Variants in CDK5RAP3 observed in about 807,000 individuals in gnomAD.
CDK5RAP3 encodes the protein CDK5 regulatory subunit-associated protein 3.
In CDK5RAP3, 58 loss-of-function variants were observed where a neutral mutation model predicts 73.3. The ratio of observed to expected loss-of-function variants is 0.79; its 90% CI spans 0.64 to 0.98. The LOEUF (loss-of-function observed/expected upper bound fraction) is 0.98, where lower values mean the gene tolerates loss of function less well. CDK5RAP3 is among the 50% of genes least tolerant of loss of function. The pLI is 0.00. For missense variants in CDK5RAP3, 525 were observed against 615.8 expected (o/e 0.85, Z 1.56); for synonymous variants, 224 against 247.5 (o/e 0.91, Z 0.89).
upstream of CDK5RAP3, among the ~76,000 whole-genome samples, chr17:47,969,649 C>A (rs376066230): frequency 6.6e-6 from 1 of 151,362 alleles, no homozygotes; most frequent in Non-Finnish European, 1.5e-5. Flanking sequence ...TCCCTCCTTA[C>A]TCTACCCACT....
rs766120199 is a variant in CDK5RAP3 at position 47,981,544 on chromosome 17, G to A, written c.*42G>A. On this transcript the variant is annotated 3_prime_UTR_variant, in exon 14 of 14. Transcript: ENST00000338399. ...GCCTGCCCATCTTCTCCGCTTTTGG[G>A]ATGAAGATGATAGCCAGGGCTGTTG... The A allele has an allele frequency of 1.2e-6, 2 of 1,614,028 alleles. No homozygotes were observed. The highest frequency in any genetic ancestry group is 1.7e-6 in the Non-Finnish European group (2 of 1,180,052).
At chr17:47,975,842 G>T (rs764542662) in intron 7 of CDK5RAP3, 27 bp from the exon 8 acceptor site, 1 of 1,613,692 alleles carries the variant, frequency 6.2e-7, no homozygotes, top group Admixed American at 1.7e-5. Context: ...TGGTCGGCAG[G>T]AGAGTCAGTT....
At chr17:47,970,850 G>T (rs913277046), upstream of CDK5RAP3, 7 of 1,407,426 alleles carry the variant, frequency 5.0e-6, no homozygotes, top group Admixed American at 6.6e-5. Flanking sequence ...GCCGCCTGTC[G>T]CAATCCCACG....
Position 47,974,449 on chromosome 17 carries a change from G to A in CDK5RAP3, c.334+1G>A, listed in dbSNP as rs779097130. ...TATGAGAAGGACAACACCTACTTAG[G>A]TAAAGTGGCCCGGCCTGGGAGCCCT... is the stretch of plus-strand genomic sequence containing the variant. On this transcript the variant is annotated splice_donor_variant, in intron 5 of 13. Coordinates refer to ENST00000338399, the MANE Select transcript of CDK5RAP3 (RefSeq NM_176096.3). LOFTEE classifies it high-confidence loss of function. 8.1e-6 allele frequency: 13 copies of A among 1,614,188 alleles called. No individual in the cohort carries two copies. The highest frequency in any genetic ancestry group is 8.5e-6 in the Non-Finnish European group (10 of 1,180,026).
Position 47,975,258 on chromosome 17 carries a change from G to T in CDK5RAP3, c.434G>T (p.Arg145Leu), listed in dbSNP as rs750283829. ...KCQQLQQEYS[R>L]KEEECQAGAA... ...CAGCAGCTGCAGCAAGAATACAGCC[G>T]CAAGGAGGAGGAGTGCCAGGCAGGG... The change falls in exon 6 of 14, where the codon CGC becomes CTC. Residue 145 changes from arginine to leucine, a missense_variant. Coordinates refer to ENST00000338399, the MANE Select transcript of CDK5RAP3 (RefSeq NM_176096.3). 3.1e-6 allele frequency: 5 copies of T among 1,614,160 alleles called. No individual in the cohort carries two copies. Among genetic ancestry groups the T allele is most frequent in the Non-Finnish European group, 4.2e-6 (5 of 1,180,032 alleles).
At chr17:47,968,795 C>A (rs146030691), upstream of CDK5RAP3, among the ~76,000 whole-genome samples, 23 of 152,258 alleles carry the variant, frequency 1.5e-4, no homozygotes, top group African/African-American at 5.3e-4. Context: ...AGATTACAGG[C>A]GTGAGCCACC....
intron 9 of CDK5RAP3, 22 bp downstream of exon 9, chr17:47,976,844 GTC>G (rs1567725656): frequency 2.1e-6 from 3 of 1,440,962 alleles, no homozygotes; most frequent in Admixed American, 1.8e-5. Context: ...TTCTCAGTCT[GTC>G]TCTCTCTGAT....
chr17:47,970,529 G>C (rs1218839558), upstream of CDK5RAP3: 4 of 761,634 alleles, frequency 5.3e-6, no homozygotes, highest in Admixed American at 6.3e-5. Flanking sequence ...TCTTCGTTTA[G>C]ACTCAATGTA....
Position 47,971,354 on chromosome 17 carries a change from C to G in CDK5RAP3, c.7-8C>G, listed in dbSNP as rs2036259749. 2.5e-6 allele frequency: 4 copies of G among 1,610,028 alleles called. No individual in the cohort carries two copies. Among genetic ancestry groups the G allele is most frequent in the Non-Finnish European group, 3.4e-6 (4 of 1,178,346 alleles). The stretch of plus-strand genomic sequence containing the variant: ...TCACGCCCCCCTCCTCACCGTGTTT[C>G]CCGCCAGGACCATCAGCACGTGCCC... On this transcript the variant is annotated splice_polypyrimidine_tract_variant and splice_region_variant and intron_variant, in intron 1 of 13. Coordinates refer to ENST00000338399, the MANE Select transcript of CDK5RAP3 (RefSeq NM_176096.3).
chr17:47,969,869 C>T (rs1273930238), upstream of CDK5RAP3, among the ~76,000 whole-genome samples: 3 of 152,198 alleles, frequency 2.0e-5, no homozygotes, highest in Non-Finnish European at 2.9e-5. Context: ...CTCCCCAACA[C>T]CTGCTCAGCA....
In CDK5RAP3 at chr17:47,977,924, C is replaced by T. The variant is rs768825106; in HGVS notation, c.988+14C>T. 34 of 1,611,190 alleles carry T rather than the reference C, an allele frequency of 2.1e-5. No homozygotes were observed. The South Asian group carries it at 3.5e-4, about 17-fold the overall frequency. ...CAGGAACCCAGGGTAAGTGCACCATCCCCTGCAGCCCTGGCAAAAGTGGGG... is the reference window on the plus strand; with the variant it reads ...CAGGAACCCAGGGTAAGTGCACCATTCCCTGCAGCCCTGGCAAAAGTGGGG... On this transcript the variant is annotated intron_variant, in intron 10 of 13. Transcript: ENST00000338399.
intron 11 of CDK5RAP3, chr17:47,979,200 T>G: frequency 6.0e-6 from 2 of 333,196 alleles, no homozygotes. Context: ...GAATGCAGAC[T>G]GGAAAGAAGA....
rs1188125530 is a variant in CDK5RAP3, at chr17:47,977,899, C to T, written c.977C>T (p.Ala326Val). 5 of 1,613,974 alleles carry T rather than the reference C, an allele frequency of 3.1e-6. No individual in the cohort carries two copies. In the Admixed American group the frequency reaches 5.0e-5, roughly 16 times the overall value. ...AVALQITVLE[A>V]GTQAPEGVAR... ...GCTTTGCAGATCACAGTGCTGGAAG[C>T]AGGAACCCAGGGTAAGTGCACCATC... Residue 326 changes from alanine to valine, a missense_variant, in exon 10 of 14, where the codon GCA (alanine) becomes GTA (valine). Ala to Val is a moderately conservative substitution (Grantham distance 64). This residue lies in a region of CDK5RAP3 where 409 missense variants were observed against 429.8 expected (regional missense o/e 0.95). Coordinates refer to ENST00000338399, the MANE Select transcript of CDK5RAP3 (RefSeq NM_176096.3).
chr17:47,978,733 C>G, intron 10 of CDK5RAP3, 96 bp from the exon 11 acceptor site: 1 of 911,650 alleles, frequency 1.1e-6, no homozygotes, highest in South Asian at 1.4e-5. Flanking sequence ...CACAGTGAGT[C>G]TGTCCGTATT....
At chr17:47,969,847 C>T (rs1435033122), upstream of CDK5RAP3, among the ~76,000 whole-genome samples, 1 of 152,174 alleles carries the variant, frequency 6.6e-6, no homozygotes, top group Non-Finnish European at 1.5e-5. Context: ...AGGTTCAAAG[C>T]TAGACCCCCT....
intron 9 of CDK5RAP3, among the ~76,000 whole-genome samples, chr17:47,977,482 C>T (rs1228511661): frequency 2.6e-5 from 4 of 152,014 alleles, no homozygotes; most frequent in African/African-American, 7.3e-5. Context: ...AGGGTTTCGC[C>T]GTGTTGGCCA....
intron 10 of CDK5RAP3, 30 bp from the exon 11 acceptor site, chr17:47,978,799 C>T: frequency 6.4e-7 from 1 of 1,565,800 alleles, no homozygotes; most frequent in Non-Finnish European, 8.8e-7. Flanking sequence ...TCCTCTGATC[C>T]TTTATCACTT....
Position 47,978,912 on chromosome 17 carries a change from A to G in CDK5RAP3, c.1072A>G (p.Met358Val), listed in dbSNP as rs1410417579. 2 of 1,613,168 alleles carry G rather than the reference A, an allele frequency of 1.2e-6. No individual in the cohort carries two copies. ...ETRNQFLDEL[M>V]ELEIFLAQRA... ...CCGGAATCAGTTCCTTGATGAGCTC[A>G]TGGAGGTACTGTCATCTCTGGAAGA... The change falls in exon 11 of 14, where the codon ATG becomes GTG. Residue 358 changes from methionine to valine, a missense_variant. By Grantham distance (21) the Met-to-Val change is conservative (BLOSUM62 1). This residue lies in a region of CDK5RAP3 where 116 missense variants were observed against 186.1 expected (regional missense o/e 0.62). Coordinates refer to ENST00000338399, the MANE Select transcript of CDK5RAP3 (RefSeq NM_176096.3).
intron 5 of CDK5RAP3, 47 bp downstream of exon 5, chr17:47,974,495 C>G (rs1274289224): frequency 1.9e-6 from 3 of 1,613,670 alleles, no homozygotes; most frequent in Non-Finnish European, 1.7e-6. Flanking sequence ...GGGAAGCCCA[C>G]TCTCAGAGTT....
Sources: allele counts gnomAD v4.1 joint callset (sites outside exome capture counted in the v4.1 genomes callset), GRCh38; gene constraint gnomAD v4.1.1; regional missense constraint gnomAD v4.1.1; transcripts MANE v1.5; gene names NCBI Gene and HGNC (gene_info 2026-07-23, HGNC 2026-07-21).